Variants in ADGRL3 observed in about 807,000 individuals in gnomAD.
ADGRL3 encodes the protein adhesion G protein-coupled receptor L3, also known as calcium-independent alpha-latrotoxin receptor 3.
ADGRL3 carries 62 observed loss-of-function variants against 153.5 expected under a neutral mutation model. The ratio of observed to expected loss-of-function variants is 0.40; its 90% CI spans 0.33 to 0.50. The LOEUF is 0.50. Ranked by LOEUF, ADGRL3 falls within the 20% of genes least tolerant of loss-of-function variation. ADGRL3 has a pLI of 0.47. For synonymous variants in ADGRL3, 710 were observed against 672.5 expected (o/e 1.06, Z -0.86); for missense variants, 1,641 against 1,859.4 (o/e 0.88, Z 2.16).
intron 1 of ADGRL3, among the ~76,000 whole-genome samples, chr4:61,244,805 C>T (rs1203048540): frequency 6.6e-6 from 1 of 152,050 alleles, no homozygotes; most frequent in Non-Finnish European, 1.5e-5. Context: ...AATATTTGCA[C>T]TTAGCACTGT....
chr4:61,283,572 C>T (rs552504751), intron 1 of ADGRL3, among the ~76,000 whole-genome samples: 1 of 152,080 alleles, frequency 6.6e-6, no homozygotes, highest in Non-Finnish European at 1.5e-5. Flanking sequence ...AAATGAGAGA[C>T]ACCACTCTCC....
chr4:61,925,080 G>C lies in ADGRL3; in HGVS notation c.2113-9760G>C, dbSNP rs142371296. ...TGAAGTAATGATATACAATTGTACT[G>C]ATTGCCCCTCAAAAGCAGTATCTCT... On this transcript the variant is annotated intron_variant, in intron 13 of 26. Transcript: ENST00000683033. Among the ~76,000 whole-genome samples the C allele has an allele frequency of 1.4e-4, 22 of 152,210 alleles. No homozygotes were observed. The East Asian group carries it at 2.5e-3, about 17-fold the overall frequency.
chr4:61,451,621 T>G (rs1360471849), intron 2 of ADGRL3, among the ~76,000 whole-genome samples: 1 of 152,150 alleles, frequency 6.6e-6, no homozygotes, highest in Non-Finnish European at 1.5e-5. Flanking sequence ...TGAGTTAAAG[T>G]TCCTCACCAA....
At position 61,427,259 on chromosome 4, in the gene ADGRL3, A is replaced by G. The variant is rs750461242; in HGVS notation, c.-174+44070A>G. ...TGCACCAGCTCTGCATATGAATGCC[A>G]TTTACTCACAGTTTTTGGTATTTCT... On this transcript the variant is annotated intron_variant, in intron 2 of 26. Transcript: ENST00000683033. The G allele has an allele frequency of 4.6e-5, 7 of 152,612 alleles. No individual in the cohort carries two copies. The East Asian group carries it at 9.7e-4, about 21-fold the overall frequency. The allele number at this position is 152,612 out of a possible 1,614,324, so 9.5% of individuals were successfully genotyped here.
At chr4:61,595,596 T>A (rs1320531747) in intron 5 of ADGRL3, among the ~76,000 whole-genome samples, 1 of 152,148 alleles carries the variant, frequency 6.6e-6, no homozygotes, top group East Asian at 1.9e-4. Flanking sequence ...AAGGAGTAAC[T>A]TTTGTTGCTA....
chr4:61,975,795 A>G (rs1321875384), intron 17 of ADGRL3, among the ~76,000 whole-genome samples: 1 of 152,178 alleles, frequency 6.6e-6, no homozygotes, highest in Admixed American at 6.5e-5. Context: ...CGTGAAGGAA[A>G]TAGAGGAGTC....
Position 61,459,865 on chromosome 4 carries a change from G to A in ADGRL3, c.-173-37256G>A, listed in dbSNP as rs560660434. Among the ~76,000 whole-genome samples the A allele has an allele frequency of 2.3e-4, 35 of 152,116 alleles. 1 individual carries two copies. The highest frequency in any genetic ancestry group is 8.2e-4 in the African/African-American group (34 of 41,542). On this transcript the variant is annotated intron_variant, in intron 2 of 26. Transcript: ENST00000683033. Reference sequence around the variant, plus strand: ...AAAACTTCTGGATCATTTTTGTAATGTATCTGTTGGTCATTTGTATGCTGT... The same window carrying A: ...AAAACTTCTGGATCATTTTTGTAATATATCTGTTGGTCATTTGTATGCTGT...
At position 61,852,287 on chromosome 4, in the gene ADGRL3, A is replaced by AATTTTATTTT. The variant is rs199939145; in HGVS notation, c.1480+38427_1480+38436dup. ...TGCATTTAACTACTTATTTTATTTTAATTTTATTTTATTTTATTTTATTTT... is the reference window on the plus strand; with the variant it reads ...TGCATTTAACTACTTATTTTATTTTAATTTTATTTTATTTTATTTTATTTTATTTTATTTT... On this transcript the variant is annotated intron_variant, in intron 9 of 26. Coordinates refer to ENST00000683033, the MANE Select transcript of ADGRL3 (RefSeq NM_001387552.1). Among the ~76,000 whole-genome samples the AATTTTATTTT allele has an allele frequency of 6.9e-4, 73 of 105,812 alleles. No individual in the cohort carries two copies. The East Asian group carries it at 8.3e-3, about 12-fold the overall frequency. The allele number at this position is 105,812 out of a possible 152,430, so 69.4% of individuals were successfully genotyped here.
chr4:61,668,278 T>C (rs1186484413), intron 5 of ADGRL3, among the ~76,000 whole-genome samples: 1 of 152,202 alleles, frequency 6.6e-6, no homozygotes, highest in East Asian at 1.9e-4. Flanking sequence ...GCACAGCCTC[T>C]AGAGTCTAGA....
chr4:61,577,345 G>A (rs567351930), intron 4 of ADGRL3, among the ~76,000 whole-genome samples: 1 of 151,890 alleles, frequency 6.6e-6, no homozygotes, highest in Non-Finnish European at 1.5e-5. Context: ...TTAAAATTTT[G>A]TATAGTTTTA....
At chr4:61,879,729 T>C (rs1318422608) in intron 9 of ADGRL3, among the ~76,000 whole-genome samples, 1 of 151,860 alleles carries the variant, frequency 6.6e-6, no homozygotes, top group Non-Finnish European at 1.5e-5. Flanking sequence ...TAATTAATTG[T>C]TATTATTTGA....
chr4:61,446,650 A>G (rs1035917263), intron 2 of ADGRL3, among the ~76,000 whole-genome samples: 2 of 152,198 alleles, frequency 1.3e-5, no homozygotes, highest in Non-Finnish European at 2.9e-5. Flanking sequence ...TTGGTTGATC[A>G]TATCCACATT....
chr4:61,355,032 AT>A (rs2096135951), intron 1 of ADGRL3, among the ~76,000 whole-genome samples: 1 of 152,150 alleles, frequency 6.6e-6, no homozygotes, highest in Non-Finnish European at 1.5e-5. Flanking sequence ...AAAAGTAGCA[AT>A]ACAAAGACCA....
chr4:61,826,176 C>G (rs1247671691), intron 9 of ADGRL3, among the ~76,000 whole-genome samples: 1 of 151,930 alleles, frequency 6.6e-6, no homozygotes, highest in African/African-American at 2.4e-5. Context: ...ATTATTATAG[C>G]CATAAAAGAC....
chr4:61,862,618 C>T (rs749669640), intron 9 of ADGRL3, among the ~76,000 whole-genome samples: 8 of 152,132 alleles, frequency 5.3e-5, no homozygotes, highest in Non-Finnish European at 1.2e-4. Flanking sequence ...TCTCTGTAAC[C>T]AATAATGGCC....
At chr4:61,931,454 G>T (rs1396127657) in intron 13 of ADGRL3, among the ~76,000 whole-genome samples, 1 of 152,142 alleles carries the variant, frequency 6.6e-6, no homozygotes, top group Non-Finnish European at 1.5e-5. Flanking sequence ...TTTCTGAGAT[G>T]ATTATATTAT....
At chr4:61,252,405 G>GA (rs1157939722) in intron 1 of ADGRL3, among the ~76,000 whole-genome samples, 2 of 151,832 alleles carry the variant, frequency 1.3e-5, no homozygotes, top group Non-Finnish European at 1.5e-5. Flanking sequence ...CAAAAGATTT[G>GA]AAAAAAAGTG....
At chr4:61,729,486 C>G (rs1017823900) in intron 6 of ADGRL3, among the ~76,000 whole-genome samples, 1 of 151,932 alleles carries the variant, frequency 6.6e-6, no homozygotes, top group East Asian at 1.9e-4. Flanking sequence ...TTATGCCAAA[C>G]AGTATTTCTC....
chr4:61,907,039 C>T (rs1477710294), intron 11 of ADGRL3, among the ~76,000 whole-genome samples: 1 of 151,920 alleles, frequency 6.6e-6, no homozygotes, highest in Non-Finnish European at 1.5e-5. Flanking sequence ...CATAATGATA[C>T]TGTTATATAT....
Sources: gnomAD v4.1 joint callset for allele counts (sites outside exome capture counted in the v4.1 genomes callset) on GRCh38, gnomAD v4.1.1 for gene constraint, MANE v1.5 for transcripts, NCBI Gene and HGNC (gene_info 2026-07-23, HGNC 2026-07-21) for gene names.